The following B4GALT7 variants were observed in gnomAD, a reference collection of about 807,000 sequenced individuals.
The protein encoded by B4GALT7 is beta-1,4-galactosyltransferase 7.
Under a neutral mutation model 33.0 loss-of-function variants are expected in B4GALT7, and 30 were observed. The observed-to-expected ratio is 0.91, with a 90% CI of 0.68 to 1.23. B4GALT7 has a LOEUF of 1.23. Ranked by LOEUF, B4GALT7 falls within the 50% of genes most tolerant of loss-of-function variation. The probability of loss-of-function intolerance (pLI) is 0.00; values close to 1 mark genes in which losing one functional copy is unlikely to be tolerated. For synonymous variants in B4GALT7, 213 were observed against 187.2 expected (o/e 1.14, Z -1.13); for missense variants, 507 against 450.8 (o/e 1.12, Z -1.13).
At position 177,604,216 on chromosome 5, in the gene B4GALT7, T is replaced by TC. The variant is rs775187724; in HGVS notation, c.90dup (p.Val31ArgfsTer52). The TC allele has an allele frequency of 1.9e-6, 3 of 1,613,692 alleles. No individual in the cohort carries two copies. The South Asian group carries it at 3.3e-5, about 18-fold the overall frequency. The stretch of plus-strand genomic sequence containing the variant: ...CTCCGGCGGCCTCCCTCGGAAGTGT[T>TC]CCGTCTTCCACCTGTTCGTGGCCTG... On this transcript the variant is annotated frameshift_variant, in exon 2 of 6. Transcript: ENST00000029410. LOFTEE classifies it high-confidence loss of function.
At chr5:177,607,054 G>C in intron 2 of B4GALT7, 1 of 583,742 alleles carries the variant, frequency 1.7e-6, no homozygotes, top group South Asian at 1.9e-5. Flanking sequence ...TCCTTCTATT[G>C]GAATCTCAGT....
At chr5:177,607,710 T>C (rs746055702) in intron 3 of B4GALT7, 183 bp downstream of exon 3, 1 of 641,676 alleles carries the variant, frequency 1.6e-6, no homozygotes, top group Non-Finnish European at 2.7e-6. Context: ...GCAGCAGAAC[T>C]GCTTGCACGG....
rs1484513314 is a variant in B4GALT7 at position 177,608,914 on chromosome 5, T to C, written c.728T>C (p.Phe243Ser). 1 of 1,613,550 alleles carries C rather than the reference T, an allele frequency of 6.2e-7. No individual in the cohort carries two copies. Among genetic ancestry groups the C allele is most frequent in the Non-Finnish European group, 8.5e-7 (1 of 1,179,894 alleles). Reference sequence around the variant, plus strand: ...GACTTCCTTGGACCTCCCTAGCTTTTCCGCCCCTCGGGAATCACAACTGGG... The same window carrying C: ...GACTTCCTTGGACCTCCCTAGCTTTCCCGCCCCTCGGGAATCACAACTGGG... ...RRIKGAGLQLFRPSGITTGYK... is the reference protein window; with the variant it reads ...RRIKGAGLQLSRPSGITTGYK... The change falls in exon 5 of 6, where the codon TTC (phenylalanine) becomes TCC (serine). Residue 243 changes from phenylalanine to serine, a missense_variant. Transcript: ENST00000029410. The surrounding 1 kb of genome is among the most constrained non-coding windows in gnomAD (Gnocchi z 4.1).
At chr5:177,607,915 G>T in intron 3 of B4GALT7, 1 of 307,944 alleles carries the variant, frequency 3.2e-6, no homozygotes, top group South Asian at 3.2e-5. Context: ...TCTAGGCCCC[G>T]GGCTGGTGGG....
rs1768054492 is a variant in B4GALT7 at position 177,607,606 on chromosome 5, C to T, written c.639+79C>T. ...GGGTGGTGGGAAGGATGGGGCAGTG[C>T]CTCTGGGGCCCAGCAGATGGAGCCC... On this transcript the variant is annotated intron_variant, in intron 3 of 5. Transcript: ENST00000029410. The T allele has an allele frequency of 7.3e-6, 10 of 1,375,158 alleles. No homozygotes were observed. The South Asian group carries it at 9.4e-5, about 13-fold the overall frequency. The allele number at this position is 1,375,158 out of a possible 1,614,324, so 85.2% of individuals were successfully genotyped here.
At position 177,609,029 on chromosome 5, in the gene B4GALT7, C is replaced by T. The variant is rs1768100937; in HGVS notation, c.828+15C>T. The T allele has an allele frequency of 3.7e-6, 6 of 1,604,404 alleles. No homozygotes were observed. Among genetic ancestry groups the T allele is most frequent in the Non-Finnish European group, 5.1e-6 (6 of 1,176,182 alleles). On this transcript the variant is annotated intron_variant, in intron 5 of 5. Transcript: ENST00000029410. ...CTCAAAAACAGGTGCTGGCAGGGCT[C>T]CTCATTGGGGACAGATAGGTGGTCA... is the stretch of plus-strand genomic sequence containing the variant.
Position 177,608,654 on chromosome 5 carries a change from G to T in B4GALT7, c.723+32G>T. Reference sequence around the variant, plus strand: ...TTCCCCGGGCCCCGCCGCCACCTCAGCTGCGGTGGCTGCCCTGAGATTTTC... The same window carrying T: ...TTCCCCGGGCCCCGCCGCCACCTCATCTGCGGTGGCTGCCCTGAGATTTTC... On this transcript the variant is annotated intron_variant, in intron 4 of 5. Transcript: ENST00000029410. This position sits in a 1 kb window ranked among gnomAD's most constrained non-coding sequence, Gnocchi z 4.1. The T allele has an allele frequency of 6.3e-7, 1 of 1,583,056 alleles. No homozygotes were observed.
Position 177,604,394 on chromosome 5 carries a change from C to A in B4GALT7, c.266C>A (p.Ser89Tyr). 1.2e-6 allele frequency: 2 copies of A among 1,613,740 alleles called. No individual in the cohort carries two copies. The highest frequency in any genetic ancestry group is 1.7e-6 in the Non-Finnish European group (2 of 1,179,830). The change falls in exon 2 of 6, where the codon TCC becomes TAC. Residue 89 changes from serine to tyrosine, a missense_variant. Physicochemically the swap from Ser to Tyr is moderately radical, Grantham distance 144. Coordinates refer to ENST00000029410, the MANE Select transcript of B4GALT7 (RefSeq NM_007255.3). ...CCTGAGCACTGGGAAGAAGACGCAT[C>A]CTGGGGCCCCCACCGCCTGGCAGTG... ...PPPEHWEEDASWGPHRLAVLV... is the reference protein window; with the variant it reads ...PPPEHWEEDAYWGPHRLAVLV...
At chr5:177,609,083 AC>A in intron 5 of B4GALT7, 69 bp downstream of exon 5, 1 of 1,415,494 alleles carries the variant, frequency 7.1e-7, no homozygotes, top group East Asian at 2.4e-5. Context: ...CCGGGCTTTC[AC>A]CAAGTTCTCC....
chr5:177,608,915 C>T lies in B4GALT7; in HGVS notation c.729C>T (p.Phe243=). Residue 243 remains phenylalanine (F), a synonymous_variant, in exon 5 of 6, where the codon TTC becomes TTT. Transcript: ENST00000029410. The surrounding 1 kb of genome is among the most constrained non-coding windows in gnomAD (Gnocchi z 4.1). The part of the protein sequence containing the change: ...RRIKGAGLQL[F]RPSGITTGYK... ...ACTTCCTTGGACCTCCCTAGCTTTT[C>T]CGCCCCTCGGGAATCACAACTGGGT... 6.2e-7 allele frequency: 1 copy of T among 1,613,616 alleles called. No homozygotes were observed. Among genetic ancestry groups the T allele is most frequent in the Non-Finnish European group, 8.5e-7 (1 of 1,179,894 alleles).
At chr5:177,605,352 C>T (rs541881803) in intron 2 of B4GALT7, 66 of 269,144 alleles carry the variant, frequency 2.5e-4, no homozygotes, top group South Asian at 2.3e-3. Flanking sequence ...GGCCATGCTG[C>T]TGTCCCCATG....
Position 177,604,195 on chromosome 5 carries a change from G to C in B4GALT7, c.67G>C (p.Gly23Arg). ...WEDGRSGLLS[G>R]GLPRKCSVFH... ...TTGCTCCAGGTCCGGGTTGCTCTCCGGCGGCCTCCCTCGGAAGTGTTCCGT... is the reference window on the plus strand; with the variant it reads ...TTGCTCCAGGTCCGGGTTGCTCTCCCGCGGCCTCCCTCGGAAGTGTTCCGT... The change falls in exon 2 of 6, where the codon GGC (glycine) becomes CGC (arginine). Residue 23 changes from glycine (G) to arginine (R), a missense_variant. Coordinates refer to ENST00000029410, the MANE Select transcript of B4GALT7 (RefSeq NM_007255.3). 3 of 1,613,554 alleles carry C rather than the reference G, an allele frequency of 1.9e-6. No individual in the cohort carries two copies. The highest frequency in any genetic ancestry group is 8.5e-7 in the Non-Finnish European group (1 of 1,179,928).
chr5:177,604,700 T>G (rs751227129), intron 2 of B4GALT7, among the ~76,000 whole-genome samples, 159 bp downstream of exon 2: 26 of 152,270 alleles, frequency 1.7e-4, no homozygotes, highest in Non-Finnish European at 3.1e-4. Flanking sequence ...CCTGATCTAA[T>G]TTCCATTTTG....
At chr5:177,603,355 A>G in intron 1 of B4GALT7, 1 of 985,394 alleles carries the variant, frequency 1.0e-6, no homozygotes, top group Non-Finnish European at 1.2e-6. Context: ...AGGAGCGGCA[A>G]AGGAATCTGG....
Position 177,608,780 on chromosome 5 carries a change from C to T in B4GALT7, c.724-130C>T, listed in dbSNP as rs1768091230. The T allele has an allele frequency of 8.9e-7, 1 of 1,125,532 alleles. No homozygotes were observed. The highest frequency in any genetic ancestry group is 2.4e-5 in the East Asian group (1 of 41,178). The allele number at this position is 1,125,532 out of a possible 1,614,324, so 69.7% of individuals were successfully genotyped here. A position where few individuals can be genotyped will look rare whatever the true frequency, so the allele number is the denominator to read the frequency against. ...ATGGTCATCTAGCCAGTTCCTTGCC[C>T]TGTGGGCCCCAGTCTCCTCTCCTGC... On this transcript the variant is annotated intron_variant, in intron 4 of 5. Coordinates refer to ENST00000029410, the MANE Select transcript of B4GALT7 (RefSeq NM_007255.3). This position sits in a 1 kb window ranked among gnomAD's most constrained non-coding sequence, Gnocchi z 4.1.
Position 177,608,616 on chromosome 5 carries a change from G to C in B4GALT7, c.717G>C (p.Gly239=), listed in dbSNP as rs149805079. The change falls in exon 4 of 6, where the codon GGG becomes GGC. Residue 239 remains glycine (G), a synonymous_variant. Transcript: ENST00000029410. The surrounding 1 kb of genome is among the most constrained non-coding windows in gnomAD (Gnocchi z 4.1). ...TCTACCGGCGCATTAAGGGAGCTGG[G>C]CTCCAGGTGAGATTCCCCGGGCCCC... ...DEFYRRIKGA[G]LQLFRPSGIT... 62 of 1,613,586 alleles carry C rather than the reference G, an allele frequency of 3.8e-5. 1 individual carries two copies. Among genetic ancestry groups the C allele is most frequent in the African/African-American group, 3.3e-4 (25 of 74,932 alleles).
At position 177,600,264 on chromosome 5, in the gene B4GALT7, AGCG is replaced by A. The variant is rs1561812475; in HGVS notation, c.50+12_50+14del. 7.4e-7 allele frequency: 1 copy of A among 1,346,528 alleles called. No individual in the cohort carries two copies. The highest frequency in any genetic ancestry group is 3.2e-5 in the Admixed American group (1 of 31,488). The allele number at this position is 1,346,528 out of a possible 1,614,324, so 83.4% of individuals were successfully genotyped here. Reference sequence around the variant, plus strand: ...AGCTGCCCTGGGAGGACGGCAGGTGAGCGGCGGCGGTGGGCCCGGGCCCCGTCC... The same window carrying A: ...AGCTGCCCTGGGAGGACGGCAGGTGAGCGGCGGTGGGCCCGGGCCCCGTCC... On this transcript the variant is annotated splice_donor_5th_base_variant and intron_variant, in intron 1 of 5. Transcript: ENST00000029410. This position sits in a 1 kb window ranked among gnomAD's most constrained non-coding sequence, Gnocchi z 4.4.
rs1242031806 is a variant in B4GALT7 at position 177,607,427 on chromosome 5, C to T, written c.539C>T (p.Ala180Val). The T allele has an allele frequency of 1.1e-5, 17 of 1,613,960 alleles. No individual in the cohort carries two copies. Among genetic ancestry groups the T allele is most frequent in the Non-Finnish European group, 1.4e-5 (17 of 1,180,050 alleles). Reference sequence around the variant, plus strand: ...GAGCTGGACTATGGCTTTCCTGAGGCTGGGCCCTTCCACGTGGCCTCCCCG... The same window carrying T: ...GAGCTGGACTATGGCTTTCCTGAGGTTGGGCCCTTCCACGTGGCCTCCCCG... ...NEELDYGFPEAGPFHVASPEL... is the reference protein window; with the variant it reads ...NEELDYGFPEVGPFHVASPEL... The change falls in exon 3 of 6, where the codon GCT (alanine) becomes GTT (valine). Residue 180 changes from alanine to valine, a missense_variant. Transcript: ENST00000029410.
In B4GALT7 at chr5:177,608,039, A is replaced by G. The variant is rs1383219076; in HGVS notation, c.640-500A>G. 2 of 230,108 alleles carry G rather than the reference A, an allele frequency of 8.7e-6. No homozygotes were observed. The highest frequency in any genetic ancestry group is 1.7e-5 in the Non-Finnish European group (2 of 114,772). The allele number at this position is 230,108 out of a possible 1,614,324, so 14.3% of individuals were successfully genotyped here. A position where few individuals can be genotyped will look rare whatever the true frequency, so the allele number is the denominator to read the frequency against. On this transcript the variant is annotated intron_variant, in intron 3 of 5. Transcript: ENST00000029410. The surrounding 1 kb of genome is among the most constrained non-coding windows in gnomAD (Gnocchi z 4.1). The stretch of plus-strand genomic sequence containing the variant: ...CCCTCAGCCAGTCACTGGCTGGTGG[A>G]CGGGCAGGCAGGAAGAAGCACTTGT...
Sources: allele counts gnomAD v4.1 joint callset (sites outside exome capture counted in the v4.1 genomes callset), GRCh38; gene constraint gnomAD v4.1.1; non-coding constraint Gnocchi (gnomAD v3.1); transcripts MANE v1.5; gene names NCBI Gene and HGNC (gene_info 2026-07-23, HGNC 2026-07-21).